Variants in ASIC2 observed in about 807,000 individuals in gnomAD.
ASIC2 encodes the protein acid-sensing ion channel 2.
ASIC2 carries 25 observed loss-of-function variants against 57.3 expected under a neutral mutation model. The ratio of observed to expected loss-of-function variants is 0.44; its 90% CI spans 0.32 to 0.61. The LOEUF (loss-of-function observed/expected upper bound fraction) is 0.61, where lower values mean the gene tolerates loss of function less well. Ranked by LOEUF, ASIC2 falls within the 20% of genes least tolerant of loss-of-function variation. The probability of loss-of-function intolerance (pLI) is 0.06; values close to 1 mark genes in which losing one functional copy is unlikely to be tolerated. For missense variants in ASIC2, 641 were observed against 738.1 expected (o/e 0.87, Z 1.52); for synonymous variants, 319 against 307.5 (o/e 1.04, Z -0.39).
At position 33,519,706 on chromosome 17, in the gene ASIC2, A is replaced by C. The variant is rs1267257216; in HGVS notation, c.556-407639T>G. 2.6e-5 allele frequency among the ~76,000 whole-genome samples: 4 copies of C among 152,092 alleles called. No individual in the cohort carries two copies. The East Asian group carries it at 7.7e-4, about 29-fold the overall frequency. On this transcript the variant is annotated intron_variant, in intron 1 of 9. Coordinates refer to the ASIC2 transcript ENST00000359872. ...TTTAGCACTTTCCTTAGGGAGGAGG[A>C]GGAGGCCTCCTTAAGGAAGGTCTTT... is the stretch of plus-strand genomic sequence containing the variant.
At chr17:33,151,655 G>A (rs1597605544) in intron 1 of ASIC2, among the ~76,000 whole-genome samples, 3 of 152,244 alleles carry the variant, frequency 2.0e-5, no homozygotes, top group East Asian at 1.9e-4. Context: ...CAGTTATCAC[G>A]GAGGTGGGTT....
chr17:33,196,444 C>T (rs1055808567), intron 1 of ASIC2, among the ~76,000 whole-genome samples: 4 of 152,102 alleles, frequency 2.6e-5, no homozygotes, highest in African/African-American at 9.7e-5. Flanking sequence ...ACCTGTGAGG[C>T]GTCCTTGCAG....
At chr17:33,470,574 A>C (rs890550970) in intron 1 of ASIC2, among the ~76,000 whole-genome samples, 3 of 152,188 alleles carry the variant, frequency 2.0e-5, no homozygotes, top group African/African-American at 7.2e-5. Flanking sequence ...ATTCCTTCTC[A>C]GGTGATGCTG....
intron 3 of ASIC2, chr17:33,052,248 C>CAGGTGACTGGA (rs1433545633): frequency 6.6e-6 from 1 of 152,226 alleles, no homozygotes; most frequent in Non-Finnish European, 1.5e-5. Context: ...AGCTCAGTGA[C>CAGGTGACTGGA]AGGTGACTGG....
chr17:33,161,449 A>G (rs545752781), intron 1 of ASIC2, among the ~76,000 whole-genome samples: 1 of 152,322 alleles, frequency 6.6e-6, no homozygotes, highest in African/African-American at 2.4e-5. Flanking sequence ...CTTCTCTGAA[A>G]GGCCTTCTCC....
At chr17:33,359,968 A>G (rs887584082) in intron 1 of ASIC2, among the ~76,000 whole-genome samples, 1 of 152,214 alleles carries the variant, frequency 6.6e-6, no homozygotes, top group East Asian at 1.9e-4. Flanking sequence ...TTTTTATCTT[A>G]TTTAAGCCAG....
chr17:34,130,491 T>C (rs1319483592), intron 1 of ASIC2, among the ~76,000 whole-genome samples: 1 of 152,240 alleles, frequency 6.6e-6, no homozygotes, highest in Non-Finnish European at 1.5e-5. Flanking sequence ...CTGGACATCA[T>C]CTATGTCCCA....
intron 1 of ASIC2, among the ~76,000 whole-genome samples, chr17:33,388,601 C>T (rs1400678473): frequency 6.6e-6 from 1 of 152,196 alleles, no homozygotes; most frequent in Non-Finnish European, 1.5e-5. Flanking sequence ...AGTGATCACT[C>T]ATTCACCAGG....
intron 1 of ASIC2, among the ~76,000 whole-genome samples, chr17:33,288,443 G>A (rs1325641009): frequency 6.6e-6 from 1 of 152,084 alleles, no homozygotes; most frequent in Non-Finnish European, 1.5e-5. Flanking sequence ...ATGGTATGAG[G>A]GAGGGTGTGG....
intron 1 of ASIC2, among the ~76,000 whole-genome samples, chr17:33,963,364 G>T (rs566072660): frequency 5.3e-4 from 80 of 152,228 alleles, no homozygotes; most frequent in Non-Finnish European, 1.0e-3. Flanking sequence ...TCACATTTTC[G>T]TTTCTGCCCC....
intron 1 of ASIC2, among the ~76,000 whole-genome samples, chr17:33,790,475 G>T (rs1313826521): frequency 6.6e-6 from 1 of 152,134 alleles, no homozygotes; most frequent in African/African-American, 2.4e-5. Context: ...TAGATATTGT[G>T]TTTGCAGTAT....
At chr17:33,777,577 C>T (rs1306658216) in intron 1 of ASIC2, among the ~76,000 whole-genome samples, 1 of 151,724 alleles carries the variant, frequency 6.6e-6, no homozygotes, top group African/African-American at 2.4e-5. Flanking sequence ...AAGCAAAAGT[C>T]ATGTGGGAAC....
intron 1 of ASIC2, chr17:34,003,595 T>C (rs973351787): frequency 6.6e-6 from 1 of 152,208 alleles, no homozygotes; most frequent in Non-Finnish European, 1.5e-5. Flanking sequence ...AACTGATGTT[T>C]CCAGCAAGGC....
In ASIC2 at chr17:33,718,432, G is replaced by A. The variant is rs375235180; in HGVS notation, c.555+437546C>T. The stretch of plus-strand genomic sequence containing the variant: ...GGGCCAGAGAGAACTCAAGAGAGGC[G>A]ATGGCTCTCCCTCATCTGCCAGGTG... On this transcript the variant is annotated intron_variant, in intron 1 of 9. Transcript: ENST00000359872. Among the ~76,000 whole-genome samples, 14 of 152,004 alleles carry A rather than the reference G, an allele frequency of 9.2e-5. No individual in the cohort carries two copies. The East Asian group carries it at 2.5e-3, about 27-fold the overall frequency.
intron 1 of ASIC2, among the ~76,000 whole-genome samples, chr17:33,924,779 T>C (rs924612576): frequency 6.6e-6 from 1 of 152,228 alleles, no homozygotes; most frequent in African/African-American, 2.4e-5. Context: ...AATTCACTGC[T>C]GCTGTGGCCT....
At chr17:33,504,014 T>C (rs915415953) in intron 1 of ASIC2, among the ~76,000 whole-genome samples, 1 of 152,112 alleles carries the variant, frequency 6.6e-6, no homozygotes, top group Non-Finnish European at 1.5e-5. Flanking sequence ...GGGGAGGAGA[T>C]ATTTATGCTT....
chr17:33,896,960 G>A (rs1915114082), intron 1 of ASIC2, among the ~76,000 whole-genome samples: 1 of 152,206 alleles, frequency 6.6e-6, no homozygotes, highest in Admixed American at 6.5e-5. Context: ...AAATGAACCA[G>A]ACAGGATAAA....
intron 1 of ASIC2, among the ~76,000 whole-genome samples, chr17:33,381,341 G>C (rs59967284): frequency 6.6e-6 from 1 of 152,232 alleles, no homozygotes; most frequent in African/African-American, 2.4e-5. Context: ...CAAGAGCATG[G>C]GGGGAGGAAC....
chr17:33,861,224 G>A (rs1914092230), intron 1 of ASIC2, among the ~76,000 whole-genome samples: 1 of 152,280 alleles, frequency 6.6e-6, no homozygotes, highest in East Asian at 1.9e-4. Context: ...TGGGAAAGCA[G>A]GTAGTTATTA....
Sources: gnomAD v4.1 joint callset for allele counts (sites outside exome capture counted in the v4.1 genomes callset) on GRCh38, gnomAD v4.1.1 for gene constraint, MANE v1.5 for transcripts, NCBI Gene and HGNC (gene_info 2026-07-23, HGNC 2026-07-21) for gene names.